SEPTIN2: variants seen among roughly 807,000 people sequenced by gnomAD.
The protein encoded by SEPTIN2 is septin 2, also known as septin-2.
A neutral mutation model predicts 46.5 loss-of-function variants in SEPTIN2; 34 were observed. The ratio of observed to expected loss-of-function variants is 0.73; its 90% confidence interval spans 0.56 to 0.97. The LOEUF is 0.97. SEPTIN2 is among the 50% of genes least tolerant of loss of function. The pLI is 0.00. For missense variants in SEPTIN2, 347 were observed against 448.4 expected, an observed-to-expected ratio of 0.77 and a Z score of 2.04; for synonymous variants, 175 against 153.4, an observed-to-expected ratio of 1.14 and a Z score of -1.04.
chr2:241,320,360 A>ATT, intron 1 of SEPTIN2: 1 of 464,308 alleles, frequency 2.2e-6, no homozygotes, highest in East Asian at 7.0e-5. Context: ...TGTATTGGTA[A>ATT]TTTACAGTGC....
chr2:241,341,349 T>A (rs542829609), intron 7 of SEPTIN2, among the ~76,000 whole-genome samples: 2 of 152,088 alleles, frequency 1.3e-5, no homozygotes, highest in Non-Finnish European at 2.9e-5. Context: ...TGTAAATTAT[T>A]TTTTACTCAT....
chr2:241,325,085 A>T (rs2077727433), intron 2 of SEPTIN2: 1 of 152,036 alleles, frequency 6.6e-6, no homozygotes, highest in Admixed American at 6.6e-5. Flanking sequence ...CAAAAAAAAA[A>T]GTCATTATTT....
intron 12 of SEPTIN2, among the ~76,000 whole-genome samples, chr2:241,350,920 G>A (rs1196386315): frequency 6.6e-6 from 1 of 152,180 alleles, no homozygotes; most frequent in Non-Finnish European, 1.5e-5. Flanking sequence ...AGCATGAAAG[G>A]TAAAGTTAAG....
chr2:241,324,242 G>A lies in SEPTIN2; in HGVS notation c.9+1G>A. Reference sequence around the variant, plus strand: ...CGAAGCTTCACAAAAGATGTCTAAGGTAAGATCATACTTCATGTATCTACA... The same window carrying A: ...CGAAGCTTCACAAAAGATGTCTAAGATAAGATCATACTTCATGTATCTACA... On this transcript the variant is annotated splice_donor_variant, in intron 2 of 12. Coordinates refer to ENST00000391971, the MANE Select transcript of SEPTIN2 (RefSeq NM_004404.5). LOFTEE classifies it high-confidence loss of function. 1 of 1,610,168 alleles carries A rather than the reference G, an allele frequency of 6.2e-7. No individual in the cohort carries two copies. The highest frequency in any genetic ancestry group is 8.5e-7 in the Non-Finnish European group (1 of 1,178,626).
intron 5 of SEPTIN2, 70 bp downstream of exon 5, chr2:241,336,168 T>A: frequency 6.9e-7 from 1 of 1,446,148 alleles, no homozygotes; most frequent in Non-Finnish European, 9.4e-7. Context: ...TAGATAGTGT[T>A]AATGAGTGAT....
rs1400830786 is a variant in SEPTIN2, at chr2:241,343,861, A to C, written c.806A>C (p.Glu269Ala). ...GGTGTTGTGGAAGTGGAGAACCCAG[A>C]GCACAATGACTTTCTGAAGCTGAGA... ...PWGVVEVENPEHNDFLKLRTM... is the reference protein window; with the variant it reads ...PWGVVEVENPAHNDFLKLRTM... The change falls in exon 9 of 13, where the codon GAG becomes GCG. Residue 269 changes from glutamate to alanine, a missense_variant. Glu to Ala is a moderately radical substitution (Grantham distance 107, BLOSUM62 -1). Coordinates refer to ENST00000391971, the MANE Select transcript of SEPTIN2 (RefSeq NM_004404.5). The C allele has an allele frequency of 6.2e-7, 1 of 1,614,228 alleles. No homozygotes were observed. Among genetic ancestry groups the C allele is most frequent in the Non-Finnish European group, 8.5e-7 (1 of 1,180,024 alleles).
At chr2:241,350,551 G>A (rs577976187) in intron 12 of SEPTIN2, among the ~76,000 whole-genome samples, 1 of 152,214 alleles carries the variant, frequency 6.6e-6, no homozygotes, top group East Asian at 1.9e-4. Context: ...TTGGAAATTT[G>A]TTAATTGTTA....
chr2:241,316,763 A>T, intron 1 of SEPTIN2: 1 of 420,160 alleles, frequency 2.4e-6, no homozygotes. Context: ...CCACGGAAAC[A>T]CACGAACCAA....
intron 7 of SEPTIN2, among the ~76,000 whole-genome samples, chr2:241,340,800 G>C (rs1413329145): frequency 1.3e-5 from 2 of 152,088 alleles, no homozygotes; most frequent in Non-Finnish European, 2.9e-5. Flanking sequence ...TCTCCTTGAT[G>C]CCTACCAGTT....
At chr2:241,335,552 C>T (rs535029121) in intron 4 of SEPTIN2, 14 of 621,064 alleles carry the variant, frequency 2.3e-5, no homozygotes, top group Admixed American at 5.7e-5. Context: ...GATAGATGTT[C>T]GAATTCATCT....
chr2:241,326,425 T>C (rs1007548304), intron 3 of SEPTIN2, among the ~76,000 whole-genome samples: 4 of 152,054 alleles, frequency 2.6e-5, no homozygotes, highest in Non-Finnish European at 5.9e-5. Context: ...AATAGGGTTT[T>C]ACCTGTGTAG....
intron 2 of SEPTIN2, among the ~76,000 whole-genome samples, chr2:241,325,670 C>A (rs183360330): frequency 6.6e-6 from 1 of 152,058 alleles, no homozygotes; most frequent in African/African-American, 2.4e-5. Context: ...TCTCTCAAGT[C>A]GAAATTTGAA....
At chr2:241,349,496 C>CT (rs1480429830) in intron 11 of SEPTIN2, among the ~76,000 whole-genome samples, 3 of 152,038 alleles carry the variant, frequency 2.0e-5, no homozygotes, top group African/African-American at 7.2e-5. Flanking sequence ...TTCTCACTGT[C>CT]ATCAGTCTCT....
chr2:241,316,210 A>C (rs1283202008), intron 1 of SEPTIN2: 1 of 321,888 alleles, frequency 3.1e-6, no homozygotes, highest in Non-Finnish European at 5.7e-6. Context: ...CGACACGGGC[A>C]GGCCCGGGCG....
chr2:241,327,705 C>T (rs2078234342), intron 3 of SEPTIN2, among the ~76,000 whole-genome samples: 1 of 151,774 alleles, frequency 6.6e-6, no homozygotes, highest in Admixed American at 6.6e-5. Context: ...AAAAGCACAC[C>T]AAAGCCTGTA....
chr2:241,343,766 C>G lies in SEPTIN2; in HGVS notation c.711C>G (p.Phe237Leu), dbSNP rs1444346731. ...TCTCTTTCTAGGCTAGCATCCCATT[C>G]TCTGTGGTTGGATCCAATCAGTTGA... ...QTRLLKASIP[F>L]SVVGSNQLIE... is the part of the protein sequence containing the mutation. The change falls in exon 9 of 13, where the codon TTC becomes TTG. Residue 237 changes from phenylalanine to leucine, a missense_variant. Transcript: ENST00000391971. 1.2e-6 allele frequency: 2 copies of G among 1,614,146 alleles called. No individual in the cohort carries two copies. The highest frequency in any genetic ancestry group is 1.7e-6 in the Non-Finnish European group (2 of 1,180,010).
At chr2:241,338,904 A>T (rs1207383103) in intron 7 of SEPTIN2, among the ~76,000 whole-genome samples, 1 of 76,184 alleles carries the variant, frequency 1.3e-5, no homozygotes, top group Admixed American at 2.2e-4. Flanking sequence ...TATATATATT[A>T]TATATAATAT....
intron 7 of SEPTIN2, among the ~76,000 whole-genome samples, chr2:241,338,972 T>TA (rs1340912590): frequency 0.1 from 11,257 of 107,858 alleles, 796 homozygotes; most frequent in Non-Finnish European, 0.14. Flanking sequence ...ATTATAAATA[T>TA]AATATATAAA....
chr2:241,327,050 CAAAAAAAA>C (rs59492636), intron 3 of SEPTIN2, among the ~76,000 whole-genome samples: 22 of 66,018 alleles, frequency 3.3e-4, no homozygotes, highest in African/African-American at 4.3e-4. Flanking sequence ...AACCTTGTCT[CAAAAAAAA>C]AAAAAAAAAA....
Sources: allele counts gnomAD v4.1 joint callset (sites outside exome capture counted in the v4.1 genomes callset), GRCh38; gene constraint gnomAD v4.1.1; transcripts MANE v1.5; gene names NCBI Gene and HGNC (gene_info 2026-07-23, HGNC 2026-07-21).